The following SDC2 variants were observed in gnomAD, a reference collection of about 807,000 sequenced individuals.
SDC2 encodes syndecan-2.
SDC2 carries 13 observed loss-of-function variants against 22.2 expected under a neutral mutation model. The ratio of observed to expected loss-of-function variants is 0.59; its 90% CI spans 0.38 to 0.93. The LOEUF (loss-of-function observed/expected upper bound fraction) is 0.93. Among genes scored for constraint, SDC2 ranks in the 40% least tolerant of loss-of-function variants. The pLI is 0.00. For synonymous variants in SDC2, 94 were observed against 92.8 expected (o/e 1.01, Z -0.07); for missense variants, 235 against 246.8 (o/e 0.95, Z 0.32).
At chr8:96,576,605 G>C (rs987392494) in intron 1 of SDC2, among the ~76,000 whole-genome samples, 3 of 143,020 alleles carry the variant, frequency 2.1e-5, no homozygotes, top group African/African-American at 7.8e-5. Context: ...ATTTTTAGTA[G>C]AGACGGGGTT....
chr8:96,532,572 G>A (rs1019655976), intron 1 of SDC2, among the ~76,000 whole-genome samples: 1 of 152,012 alleles, frequency 6.6e-6, no homozygotes, highest in East Asian at 1.9e-4. Context: ...GAGGGGTAAA[G>A]ATTCCAACTT....
chr8:96,587,493 A>G (rs1289863017), intron 1 of SDC2, among the ~76,000 whole-genome samples: 2 of 152,192 alleles, frequency 1.3e-5, no homozygotes, highest in African/African-American at 4.8e-5. Flanking sequence ...CAGTAAACAA[A>G]GGGCTCTTTC....
chr8:96,540,179 C>G (rs1303050597), intron 1 of SDC2, among the ~76,000 whole-genome samples: 1 of 151,352 alleles, frequency 6.6e-6, no homozygotes, highest in Non-Finnish European at 1.5e-5. Context: ...AAAGCCCCCC[C>G]GCCCCGCCAG....
intron 1 of SDC2, among the ~76,000 whole-genome samples, chr8:96,589,061 T>C (rs1814732780): frequency 6.6e-6 from 1 of 152,258 alleles, no homozygotes; most frequent in Non-Finnish European, 1.5e-5. Flanking sequence ...ACTTGATCTT[T>C]TGTGTATTGA....
intron 1 of SDC2, among the ~76,000 whole-genome samples, chr8:96,573,105 T>A (rs929940037): frequency 6.6e-6 from 1 of 152,168 alleles, no homozygotes; most frequent in Admixed American, 6.5e-5. Flanking sequence ...AAATAATTAC[T>A]TGTATTCTTG....
chr8:96,554,684 A>C (rs188130031), intron 1 of SDC2, among the ~76,000 whole-genome samples: 2 of 152,266 alleles, frequency 1.3e-5, no homozygotes, highest in Non-Finnish European at 2.9e-5. Context: ...GGCAGTTACG[A>C]CTTGATCCAG....
At chr8:96,593,693 T>G (rs1814824846) in intron 2 of SDC2, 102 bp downstream of exon 2, 2 of 726,836 alleles carry the variant, frequency 2.8e-6, no homozygotes, top group Non-Finnish European at 4.8e-6. Flanking sequence ...TGCACAGTGG[T>G]TAAGGGCACC....
chr8:96,601,465 C>A (rs888783745), intron 2 of SDC2, among the ~76,000 whole-genome samples: 6 of 151,802 alleles, frequency 4.0e-5, no homozygotes, highest in African/African-American at 7.3e-5. Flanking sequence ...CATGGTGAAA[C>A]CCCATCTCTA....
intron 1 of SDC2, among the ~76,000 whole-genome samples, chr8:96,590,890 G>A (rs533358610): frequency 2.0e-5 from 3 of 152,118 alleles, no homozygotes; most frequent in Non-Finnish European, 2.9e-5. Flanking sequence ...GAGACCACCC[G>A]GGAGCCCTGT....
Position 96,565,084 on chromosome 8 carries a change from A to ATTTTTTTTTTTT in SDC2, c.61-28392_61-28381dup, listed in dbSNP as rs11304418. On this transcript the variant is annotated intron_variant, in intron 1 of 4. Coordinates refer to ENST00000302190, the MANE Select transcript of SDC2 (RefSeq NM_002998.4). Reference sequence around the variant, plus strand: ...GATCACTGAGACCATCCTAAATTTGATTTTTTTTTTTTTTTGTTGAGATGG... The same window carrying ATTTTTTTTTTTT: ...GATCACTGAGACCATCCTAAATTTGATTTTTTTTTTTTTTTTTTTTTTTTTTTGTTGAGATGG... Among the ~76,000 whole-genome samples the ATTTTTTTTTTTT allele has an allele frequency of 4.4e-3, 300 of 67,736 alleles. 26 individuals are homozygous for ATTTTTTTTTTTT. The highest frequency in any genetic ancestry group is 0.014 in the Middle Eastern group (1 of 72). The allele number at this position is 67,736 out of a possible 152,430, so 44.4% of individuals were successfully genotyped here.
chr8:96,574,353 A>G (rs776174108), intron 1 of SDC2, among the ~76,000 whole-genome samples: 1 of 152,190 alleles, frequency 6.6e-6, no homozygotes, highest in African/African-American at 2.4e-5. Context: ...TCACCAAAAC[A>G]TCTGCTTTAT....
intron 1 of SDC2, among the ~76,000 whole-genome samples, chr8:96,528,829 A>C (rs1335273533): frequency 6.6e-6 from 1 of 152,248 alleles, no homozygotes; most frequent in Non-Finnish European, 1.5e-5. Flanking sequence ...TCCCAGAAGA[A>C]GACCATAATG....
chr8:96,564,068 G>A (rs773147125), intron 1 of SDC2, among the ~76,000 whole-genome samples: 45 of 152,200 alleles, frequency 3.0e-4, no homozygotes, highest in Non-Finnish European at 5.4e-4. Flanking sequence ...CCGTTACCAG[G>A]CCTAGGCATT....
chr8:96,511,657 G>A (rs1489705630), intron 1 of SDC2, among the ~76,000 whole-genome samples: 1 of 152,212 alleles, frequency 6.6e-6, no homozygotes, highest in Admixed American at 6.5e-5. Context: ...ATTTCATCGA[G>A]TGAGTGCTGG....
At chr8:96,494,582 C>G (rs775916005) in intron 1 of SDC2, among the ~76,000 whole-genome samples, 1 of 152,118 alleles carries the variant, frequency 6.6e-6, no homozygotes, top group Non-Finnish European at 1.5e-5. Context: ...TTGGTCTAGC[C>G]GCAGAGGCCC....
At chr8:96,573,380 T>C (rs537584063) in intron 1 of SDC2, among the ~76,000 whole-genome samples, 93 of 152,252 alleles carry the variant, frequency 6.1e-4, no homozygotes, top group African/African-American at 2.1e-3. Flanking sequence ...TTACACTTCA[T>C]GTGTGGGTGA....
chr8:96,604,676 A>G (rs963934751), intron 3 of SDC2, among the ~76,000 whole-genome samples: 5 of 152,196 alleles, frequency 3.3e-5, no homozygotes, highest in African/African-American at 1.2e-4. Flanking sequence ...TTAAGTGACT[A>G]AAATGCACAA....
At position 96,569,907 on chromosome 8, in the gene SDC2, C is replaced by T. The variant is rs147453974; in HGVS notation, c.61-23573C>T. 4.4e-3 allele frequency among the ~76,000 whole-genome samples: 665 copies of T among 152,152 alleles called. 4 individuals carry two copies. Among genetic ancestry groups the T allele is most frequent in the African/African-American group, 0.015 (620 of 41,480 alleles). On this transcript the variant is annotated intron_variant, in intron 1 of 4. Transcript: ENST00000302190. ...GCCCGGAGGTGTGAGCACATGTGCT[C>T]TCTGGGAAAGGAGTCCTGACATTGT...
In SDC2 at chr8:96,576,368, G is replaced by GTTTTTTTTTTTT. The variant is rs1481198542; in HGVS notation, c.61-17107_61-17106insTTTTTTTTTTTT. Among the ~76,000 whole-genome samples the GTTTTTTTTTTTT allele has an allele frequency of 1.2e-3, 20 of 16,606 alleles. 2 individuals are homozygous for GTTTTTTTTTTTT. Among genetic ancestry groups the GTTTTTTTTTTTT allele is most frequent in the African/African-American group, 2.0e-3 (16 of 8,018 alleles). The allele number at this position is 16,606 out of a possible 152,430, so 10.9% of individuals were successfully genotyped here. On this transcript the variant is annotated intron_variant, in intron 1 of 4. Coordinates refer to ENST00000302190, the MANE Select transcript of SDC2 (RefSeq NM_002998.4). ...ACATAAGTTCAATAATTGGTAGTTT[G>GTTTTTTTTTTTT]TTTTTGTTTTGTTTTGTTTTTTTTT... is the stretch of plus-strand genomic sequence containing the variant.
Sources: allele counts gnomAD v4.1 joint callset (sites outside exome capture counted in the v4.1 genomes callset), GRCh38; gene constraint gnomAD v4.1.1; transcripts MANE v1.5; gene names NCBI Gene and HGNC (gene_info 2026-07-23, HGNC 2026-07-21).